The following FGF12 variants were observed in gnomAD, a reference collection of about 807,000 sequenced individuals.
FGF12 encodes the protein fibroblast growth factor 12, also known as fibroblast growth factor 12B.
A neutral mutation model predicts 23.6 loss-of-function variants in FGF12; 14 were observed. That is an observed-to-expected ratio of 0.59 (90% CI 0.39 to 0.93). FGF12 has a LOEUF of 0.93. Ranked by LOEUF, FGF12 falls within the 40% of genes least tolerant of loss-of-function variation. The pLI is 0.00. For synonymous variants in FGF12, 62 were observed against 77.3 expected (o/e 0.80, Z 1.04); for missense variants, 175 against 217.8 (o/e 0.80, Z 1.24).
intron 2 of FGF12, among the ~76,000 whole-genome samples, chr3:192,499,828 G>A (rs758950254): frequency 6.6e-5 from 10 of 151,986 alleles, no homozygotes; most frequent in Non-Finnish European, 1.2e-4. Context: ...GATTACAGGT[G>A]TGAGCCACCG....
At chr3:192,359,946 CAT>C (rs35037623) in intron 3 of FGF12, among the ~76,000 whole-genome samples, 24 of 149,036 alleles carry the variant, frequency 1.6e-4, no homozygotes, top group African/African-American at 1.7e-4. Context: ...CATAAAATAA[CAT>C]ATATATATAT....
rs879845551 is a variant in FGF12, at chr3:192,590,920, C to T, written c.13+136261G>A. ...TGACATAAACCTTGTTCTGCTCCCC[C>T]TTGCTCACACAGTTCTCTGAATAGT... On this transcript the variant is annotated intron_variant, in intron 2 of 5. Coordinates refer to ENST00000445105, the MANE Select transcript of FGF12 (RefSeq NM_004113.6). 3.3e-5 allele frequency among the ~76,000 whole-genome samples: 5 copies of T among 151,900 alleles called. No homozygotes were observed. In the East Asian group the frequency reaches 7.7e-4, roughly 23 times the overall value.
rs10663137 is a variant in FGF12 at position 192,305,666 on chromosome 3, G to GAAAA, written c.228+29691_228+29694dup. ...AATAAGGGAGAGAAAGGTGGCTTAG[G>GAAAA]AAAAAAAAAAAAAATATATATATAT... is the stretch of plus-strand genomic sequence containing the variant. On this transcript the variant is annotated intron_variant, in intron 4 of 5. Transcript: ENST00000445105. Among the ~76,000 whole-genome samples the GAAAA allele has an allele frequency of 1.2e-4, 15 of 125,172 alleles. No individual in the cohort carries two copies. In the South Asian group the frequency reaches 3.0e-3, roughly 25 times the overall value. 82.1% of individuals were successfully genotyped at this position (125,172 alleles called of 152,430 possible).
chr3:192,167,772 A>AAAT (rs1715301623), intron 5 of FGF12, among the ~76,000 whole-genome samples: 1 of 15,396 alleles, frequency 6.5e-5, no homozygotes, highest in African/African-American at 2.2e-4. Flanking sequence ...TATATATAAA[A>AAAT]TTTTTTTTTT....
At position 192,576,617 on chromosome 3, in the gene FGF12, A is replaced by G. The variant is rs1457798213; in HGVS notation, c.13+150564T>C. Among the ~76,000 whole-genome samples, 5 of 152,226 alleles carry G rather than the reference A, an allele frequency of 3.3e-5. No homozygotes were observed. In the East Asian group the frequency reaches 5.8e-4, roughly 18 times the overall value. On this transcript the variant is annotated intron_variant, in intron 2 of 5. Coordinates refer to ENST00000445105, the MANE Select transcript of FGF12 (RefSeq NM_004113.6). ...GATTAAATAAATGATAATTAAATCC[A>G]TCAGATACATTATTTAAGAATACTT... is the stretch of plus-strand genomic sequence containing the variant.
At chr3:192,490,072 T>A (rs886397018) in intron 2 of FGF12, among the ~76,000 whole-genome samples, 7 of 152,154 alleles carry the variant, frequency 4.6e-5, no homozygotes, top group African/African-American at 1.7e-4. Context: ...CCTCATTTGA[T>A]GAAGACACTG....
chr3:192,479,549 A>G (rs1183676894), intron 2 of FGF12, among the ~76,000 whole-genome samples: 2 of 152,156 alleles, frequency 1.3e-5, no homozygotes, highest in African/African-American at 2.4e-5. Flanking sequence ...AGACTCTCCT[A>G]TCTTCCTTAG....
intron 4 of FGF12, among the ~76,000 whole-genome samples, chr3:192,318,426 G>A (rs1444095174): frequency 6.6e-6 from 1 of 152,128 alleles, no homozygotes; most frequent in Non-Finnish European, 1.5e-5. Flanking sequence ...GTTGGAAAAC[G>A]CAACTGACAT....
chr3:192,220,491 C>A (rs978008593), intron 4 of FGF12, among the ~76,000 whole-genome samples: 1 of 152,106 alleles, frequency 6.6e-6, no homozygotes, highest in African/African-American at 2.4e-5. Flanking sequence ...ATAATTGTCC[C>A]AAACACCATT....
Position 192,234,772 on chromosome 3 carries a change from A to G in FGF12, c.229-64116T>C, listed in dbSNP as rs145141003. 4.6e-3 allele frequency among the ~76,000 whole-genome samples: 697 copies of G among 152,136 alleles called. 6 individuals carry two copies. The highest frequency in any genetic ancestry group is 0.016 in the African/African-American group (672 of 41,518). ...GGATGTGATGTTGAATTTTATTAGA[A>G]GCCTTTTCTGTGTCTATTGAGATGA... On this transcript the variant is annotated intron_variant, in intron 4 of 5. Coordinates refer to ENST00000445105, the MANE Select transcript of FGF12 (RefSeq NM_004113.6).
intron 2 of FGF12, among the ~76,000 whole-genome samples, chr3:192,705,709 G>T (rs370959299): frequency 1.3e-5 from 2 of 152,172 alleles, no homozygotes; most frequent in Non-Finnish European, 2.9e-5. Flanking sequence ...AAGTGAGCAC[G>T]TGCTTTAGAA....
chr3:192,333,580 T>C (rs1175085426), intron 4 of FGF12, among the ~76,000 whole-genome samples: 1 of 152,110 alleles, frequency 6.6e-6, no homozygotes, highest in Non-Finnish European at 1.5e-5. Context: ...TGTACACATA[T>C]AGCATATTTA....
At chr3:192,660,588 C>T (rs1485127409) in intron 2 of FGF12, among the ~76,000 whole-genome samples, 1 of 151,404 alleles carries the variant, frequency 6.6e-6, no homozygotes, top group Non-Finnish European at 1.5e-5. Flanking sequence ...ATAGGAAGAG[C>T]TCTGACCATT....
At chr3:192,605,787 A>T (rs895357034) in intron 2 of FGF12, among the ~76,000 whole-genome samples, 2 of 152,224 alleles carry the variant, frequency 1.3e-5, no homozygotes, top group Non-Finnish European at 2.9e-5. Flanking sequence ...ATCACTAATT[A>T]TCAGAGAAAT....
chr3:192,451,465 T>C (rs1253108259), intron 2 of FGF12, among the ~76,000 whole-genome samples: 2 of 152,194 alleles, frequency 1.3e-5, no homozygotes, highest in African/African-American at 4.8e-5. Flanking sequence ...GAAACCAGCC[T>C]ACTGTACCAG....
At position 192,161,134 on chromosome 3, in the gene FGF12, G is replaced by C. The variant is rs1349813599; in HGVS notation, c.427+9324C>G. On this transcript the variant is annotated intron_variant, in intron 5 of 5. Transcript: ENST00000445105. The stretch of plus-strand genomic sequence containing the variant: ...AAGGAAAGAGATTCTAAGGATCATT[G>C]CATCAGACAGTTCCCTAAACTTAGT... Among the ~76,000 whole-genome samples the C allele has an allele frequency of 2.6e-5, 4 of 152,050 alleles. No homozygotes were observed. In the East Asian group the frequency reaches 7.7e-4, roughly 29 times the overall value.
At chr3:192,649,142 A>G (rs1716116819) in intron 2 of FGF12, among the ~76,000 whole-genome samples, 1 of 152,190 alleles carries the variant, frequency 6.6e-6, no homozygotes, top group African/African-American at 2.4e-5. Flanking sequence ...GCCTATAAGT[A>G]GCCATGATAT....
chr3:192,674,278 C>T (rs565304785), intron 2 of FGF12, among the ~76,000 whole-genome samples: 1 of 152,314 alleles, frequency 6.6e-6, no homozygotes, highest in South Asian at 2.1e-4. Context: ...CTGTAATCCA[C>T]AAAAGCAGCA....
At chr3:192,647,275 A>G (rs1484719148) in intron 2 of FGF12, among the ~76,000 whole-genome samples, 1 of 152,030 alleles carries the variant, frequency 6.6e-6, no homozygotes, top group African/African-American at 2.4e-5. Context: ...GTTATAACAC[A>G]TTGGGGTTTT....
Sources: gnomAD v4.1 joint callset for allele counts (sites outside exome capture counted in the v4.1 genomes callset) on GRCh38, gnomAD v4.1.1 for gene constraint, MANE v1.5 for transcripts, NCBI Gene and HGNC (gene_info 2026-07-23, HGNC 2026-07-21) for gene names.